PPP2R3C: variants seen among roughly 807,000 people sequenced by gnomAD.
The protein encoded by PPP2R3C is serine/threonine-protein phosphatase 2A regulatory subunit B'' subunit gamma.
PPP2R3C carries 47 observed loss-of-function variants against 63.7 expected under a neutral mutation model. The ratio of observed to expected loss-of-function variants is 0.74; its 90% CI spans 0.58 to 0.94. PPP2R3C has a LOEUF of 0.94. Among genes scored for constraint, PPP2R3C ranks in the 40% least tolerant of loss-of-function variants. PPP2R3C has a pLI of 0.00. For missense variants in PPP2R3C, 421 were observed against 518.4 expected (o/e 0.81, Z 1.82); for synonymous variants, 180 against 177.4 (o/e 1.01, Z -0.12).
chr14:35,094,021 G>A (rs1193259475), intron 10 of PPP2R3C, among the ~76,000 whole-genome samples: 1 of 152,176 alleles, frequency 6.6e-6, no homozygotes, highest in Non-Finnish European at 1.5e-5. Context: ...AAAAAGACAA[G>A]TGCATGTTAT....
At chr14:35,096,303 G>A (rs902980537) in intron 9 of PPP2R3C, among the ~76,000 whole-genome samples, 3 of 152,298 alleles carry the variant, frequency 2.0e-5, no homozygotes, top group South Asian at 2.1e-4. Context: ...GCACTGAGCC[G>A]TGATCATGTC....
At chr14:35,089,751 T>C (rs577051677) in intron 11 of PPP2R3C, among the ~76,000 whole-genome samples, 25 of 152,070 alleles carry the variant, frequency 1.6e-4, no homozygotes, top group East Asian at 3.9e-4. Context: ...CTGCAAGCTC[T>C]GCCTCCTGGG....
intron 1 of PPP2R3C, among the ~76,000 whole-genome samples, chr14:35,120,871 A>C (rs921309207): frequency 2.0e-5 from 3 of 152,068 alleles, no homozygotes; most frequent in Non-Finnish European, 2.9e-5. Flanking sequence ...CCTTGAGCCC[A>C]GGAAATCGAG....
At chr14:35,111,221 G>A (rs985129413) in intron 2 of PPP2R3C, among the ~76,000 whole-genome samples, 134 of 130,950 alleles carry the variant, frequency 1.0e-3, no homozygotes, top group African/African-American at 3.8e-3. Context: ...GCAACAGAGC[G>A]AGACTCCATC....
chr14:35,120,636 A>T (rs2046846386), intron 1 of PPP2R3C, among the ~76,000 whole-genome samples: 1 of 152,106 alleles, frequency 6.6e-6, no homozygotes, highest in African/African-American at 2.4e-5. Flanking sequence ...CAGGTGTAGG[A>T]GATGAGAAGA....
At chr14:35,105,903 C>T (rs1293535754) in intron 6 of PPP2R3C, among the ~76,000 whole-genome samples, 1 of 151,262 alleles carries the variant, frequency 6.6e-6, no homozygotes, top group Non-Finnish European at 1.5e-5. Context: ...AGTGCAGTGG[C>T]GTGATCTCGG....
Position 35,108,264 on chromosome 14 carries a change from G to C in PPP2R3C, c.405-28C>G, listed in dbSNP as rs1322079602. On this transcript the variant is annotated intron_variant, in intron 4 of 12. Coordinates refer to ENST00000261475, the MANE Select transcript of PPP2R3C (RefSeq NM_017917.4). ...AAGAAAAGAAAATAAAGATTTAAATGATCTGCCAACATAAAAGAAAATGAC... is the reference window on the plus strand; with the variant it reads ...AAGAAAAGAAAATAAAGATTTAAATCATCTGCCAACATAAAAGAAAATGAC... The C allele has an allele frequency of 3.2e-6, 5 of 1,544,832 alleles. No homozygotes were observed. In the East Asian group the frequency reaches 7.2e-5, roughly 22 times the overall value.
intron 4 of PPP2R3C, among the ~76,000 whole-genome samples, chr14:35,108,782 A>T (rs999091087): frequency 6.6e-6 from 1 of 151,470 alleles, no homozygotes; most frequent in Non-Finnish European, 1.5e-5. Context: ...AAAAAAGATA[A>T]ATATATATAT....
chr14:35,092,752 C>A (rs1477432805), intron 10 of PPP2R3C, among the ~76,000 whole-genome samples: 2 of 152,118 alleles, frequency 1.3e-5, no homozygotes, highest in Non-Finnish European at 2.9e-5. Flanking sequence ...CAGGTGTGAG[C>A]CACCGTGCCC....
chr14:35,106,893 C>T (rs916195575), intron 6 of PPP2R3C, among the ~76,000 whole-genome samples: 1 of 151,890 alleles, frequency 6.6e-6, no homozygotes, highest in Non-Finnish European at 1.5e-5. Context: ...TCTCAAACTC[C>T]CGACCTCAGG....
chr14:35,085,787 G>T lies in PPP2R3C; in HGVS notation c.1174-9C>A, dbSNP rs1321267212. The T allele has an allele frequency of 1.4e-5, 21 of 1,547,434 alleles. No individual in the cohort carries two copies. The East Asian group carries it at 4.8e-4, about 35-fold the overall frequency. On this transcript the variant is annotated splice_polypyrimidine_tract_variant and intron_variant, in intron 12 of 12. Coordinates refer to ENST00000261475, the MANE Select transcript of PPP2R3C (RefSeq NM_017917.4). ...ATGTCAAAGATTTCATCCTGCAAGAGAAAAAAAAATACAATGAAATTTGAT... is the reference window on the plus strand; with the variant it reads ...ATGTCAAAGATTTCATCCTGCAAGATAAAAAAAAATACAATGAAATTTGAT...
rs753337102 is a variant in PPP2R3C, at chr14:35,116,601, A to T, written c.186+9T>A. The T allele has an allele frequency of 1.3e-6, 2 of 1,560,176 alleles. No individual in the cohort carries two copies. The highest frequency in any genetic ancestry group is 1.7e-6 in the Non-Finnish European group (2 of 1,155,770). ...AACTCTGCAGGACATTTGATTAGAC[A>T]CTACTTACCCTATAATAAAACCGGG... is the stretch of plus-strand genomic sequence containing the variant. On this transcript the variant is annotated intron_variant, in intron 2 of 12. Coordinates refer to ENST00000261475, the MANE Select transcript of PPP2R3C (RefSeq NM_017917.4).
At chr14:35,121,331 G>A (rs951644463) in intron 1 of PPP2R3C, among the ~76,000 whole-genome samples, 2 of 151,712 alleles carry the variant, frequency 1.3e-5, no homozygotes, top group African/African-American at 4.8e-5. Flanking sequence ...GAGCGGAGAT[G>A]CTGCCACTGC....
chr14:35,088,213 T>C (rs1340353427), intron 11 of PPP2R3C, among the ~76,000 whole-genome samples: 1 of 152,186 alleles, frequency 6.6e-6, no homozygotes, highest in Non-Finnish European at 1.5e-5. Flanking sequence ...TGTATTGACC[T>C]TTTTAGACCT....
At chr14:35,099,538 T>G in intron 6 of PPP2R3C, 154 bp from the exon 7 acceptor site, 1 of 915,232 alleles carries the variant, frequency 1.1e-6, no homozygotes, top group South Asian at 2.3e-5. Context: ...CATTAAATTT[T>G]GTTTCTAATT....
chr14:35,108,931 CTTTTT>C (rs927878447), intron 4 of PPP2R3C, among the ~76,000 whole-genome samples: 1 of 147,268 alleles, frequency 6.8e-6, no homozygotes, highest in African/African-American at 2.5e-5. Flanking sequence ...TGTTTGCATT[CTTTTT>C]TTTTTTAATT....
chr14:35,089,164 C>T (rs2045707379), intron 11 of PPP2R3C, among the ~76,000 whole-genome samples: 1 of 152,050 alleles, frequency 6.6e-6, no homozygotes, highest in Non-Finnish European at 1.5e-5. Flanking sequence ...AGTGCAGTGG[C>T]AAATCATGGA....
chr14:35,099,468 A>G (rs2046113949), intron 6 of PPP2R3C, 84 bp from the exon 7 acceptor site: 3 of 1,422,188 alleles, frequency 2.1e-6, no homozygotes, highest in Non-Finnish European at 2.8e-6. Context: ...ATTATTCAGC[A>G]TTAATACTAT....
intron 1 of PPP2R3C, among the ~76,000 whole-genome samples, chr14:35,117,884 G>C (rs2046753886): frequency 6.6e-6 from 1 of 151,960 alleles, no homozygotes. Context: ...AGTAGAGATG[G>C]GGCTTCTCCA....
Sources: allele counts gnomAD v4.1 joint callset (sites outside exome capture counted in the v4.1 genomes callset), GRCh38; gene constraint gnomAD v4.1.1; transcripts MANE v1.5; gene names NCBI Gene and HGNC (gene_info 2026-07-23, HGNC 2026-07-21).